PLEKHA2: variants seen among roughly 807,000 people sequenced by gnomAD.
PLEKHA2 encodes the protein pleckstrin homology domain containing A2.
In PLEKHA2, 28 loss-of-function variants were observed where a neutral mutation model predicts 53.2. The ratio of observed to expected loss-of-function variants is 0.53; its 90% confidence interval spans 0.39 to 0.72. PLEKHA2 has a LOEUF of 0.72. PLEKHA2 is among the 30% of genes least tolerant of loss of function. The pLI, the probability that PLEKHA2 is intolerant of heterozygous loss-of-function variation, is 0.00. For synonymous variants in PLEKHA2, 193 were observed against 196.4 expected (o/e 0.98, Z 0.14); for missense variants, 426 against 537.9 (o/e 0.79, Z 2.06).
intron 1 of PLEKHA2, among the ~76,000 whole-genome samples, chr8:38,915,003 G>A (rs1056703017): frequency 1.3e-5 from 2 of 152,074 alleles, no homozygotes; most frequent in African/African-American, 4.8e-5. Context: ...CTAGAGTGGA[G>A]TGGTGCTCTC....
intron 2 of PLEKHA2, among the ~76,000 whole-genome samples, chr8:38,931,175 G>A (rs986052182): frequency 3.3e-5 from 5 of 152,160 alleles, no homozygotes; most frequent in African/African-American, 1.2e-4. Flanking sequence ...CTACTCAGGA[G>A]GCTGAGGCAC....
rs979348239 is a variant in PLEKHA2 at position 38,966,927 on chromosome 8, T to C, written c.838-1665T>C. ...TGCATCGTACGCATCAAGTAATTTCTCATCCCTCACCCGCCTCCCACCCTC... is the reference window on the plus strand; with the variant it reads ...TGCATCGTACGCATCAAGTAATTTCCCATCCCTCACCCGCCTCCCACCCTC... On this transcript the variant is annotated intron_variant, in intron 10 of 11. Transcript: ENST00000617275. Among the ~76,000 whole-genome samples the C allele has an allele frequency of 1.1e-4, 17 of 152,226 alleles. 1 individual carries two copies. The South Asian group carries it at 3.5e-3, about 32-fold the overall frequency.
chr8:38,923,815 A>G (rs1289861495), intron 2 of PLEKHA2, among the ~76,000 whole-genome samples: 1 of 152,108 alleles, frequency 6.6e-6, no homozygotes, highest in Non-Finnish European at 1.5e-5. Flanking sequence ...GTATTTGCAG[A>G]GCATTTTGTG....
At chr8:38,954,516 A>G (rs1291088811) in intron 9 of PLEKHA2, among the ~76,000 whole-genome samples, 2 of 152,102 alleles carry the variant, frequency 1.3e-5, no homozygotes, top group Admixed American at 6.5e-5. Context: ...GAATGCCTTG[A>G]ACTTTCTCTA....
At chr8:38,952,847 C>A in intron 8 of PLEKHA2, 143 bp downstream of exon 8, 1 of 808,274 alleles carries the variant, frequency 1.2e-6, no homozygotes, top group South Asian at 1.6e-5. Context: ...CCATTCTGTG[C>A]ACACATCTTT....
At chr8:38,964,729 A>G (rs1460998804) in intron 10 of PLEKHA2, among the ~76,000 whole-genome samples, 1 of 152,042 alleles carries the variant, frequency 6.6e-6, no homozygotes, top group Non-Finnish European at 1.5e-5. Flanking sequence ...TCAAGATATA[A>G]TGTATCTTTG....
intron 1 of PLEKHA2, among the ~76,000 whole-genome samples, chr8:38,909,388 G>T (rs1833923093): frequency 6.6e-6 from 1 of 152,078 alleles, no homozygotes; most frequent in African/African-American, 2.4e-5. Flanking sequence ...TCCTGTCCTG[G>T]GTGTATAAGA....
At chr8:38,924,151 G>C (rs143308764) in intron 2 of PLEKHA2, among the ~76,000 whole-genome samples, 13 of 152,100 alleles carry the variant, frequency 8.5e-5, no homozygotes, top group African/African-American at 2.9e-4. Context: ...CGCCTGGCCC[G>C]GTTTTCACTT....
chr8:38,968,609 CA>C lies in PLEKHA2; in HGVS notation c.856del (p.Met286CysfsTer30). On this transcript the variant is annotated frameshift_variant, in exon 11 of 12. Coordinates refer to ENST00000617275, the MANE Select transcript of PLEKHA2 (RefSeq NM_021623.2). LOFTEE classifies it high-confidence loss of function. ...TTTTGCAGGCAGACAGTCCAGAAGA[CA>C]TGCACAGCTGGATTAAGGAGATTGG... ...FYVQADSPEDMHSWIKEIGAA... is the reference protein window; with the variant it reads ...FYVQADSPEDXHSWIKEIGAA... The C allele has an allele frequency of 6.2e-7, 1 of 1,614,034 alleles. No homozygotes were observed. The highest frequency in any genetic ancestry group is 8.5e-7 in the Non-Finnish European group (1 of 1,179,896).
At chr8:38,910,853 C>T (rs998320839) in intron 1 of PLEKHA2, among the ~76,000 whole-genome samples, 11 of 151,974 alleles carry the variant, frequency 7.2e-5, no homozygotes, top group African/African-American at 1.2e-4. Context: ...CCATTAGAAA[C>T]GATTATAAAG....
intron 1 of PLEKHA2, 56 bp downstream of exon 1, chr8:38,901,501 G>GA (rs1833784115): frequency 6.6e-6 from 1 of 151,812 alleles, no homozygotes; most frequent in Non-Finnish European, 1.5e-5. Context: ...GGGCGCGCGG[G>GA]GGCTGGCGGG....
At chr8:38,906,592 C>G (rs1833880821) in intron 1 of PLEKHA2, among the ~76,000 whole-genome samples, 1 of 152,186 alleles carries the variant, frequency 6.6e-6, no homozygotes, top group African/African-American at 2.4e-5. Context: ...AACTTGTTCT[C>G]AGTACGTTCC....
At chr8:38,944,896 A>G (rs954696700) in intron 4 of PLEKHA2, among the ~76,000 whole-genome samples, 2 of 152,186 alleles carry the variant, frequency 1.3e-5, no homozygotes, top group African/African-American at 2.4e-5. Context: ...AATGTCCACT[A>G]TAAGTTTCTG....
chr8:38,936,693 C>T (rs1170360669), intron 3 of PLEKHA2, among the ~76,000 whole-genome samples: 4 of 152,234 alleles, frequency 2.6e-5, no homozygotes, highest in African/African-American at 7.2e-5. Context: ...GACTGGTTAA[C>T]GGTGCCCACA....
At chr8:38,920,376 A>G (rs4733952) in intron 2 of PLEKHA2, among the ~76,000 whole-genome samples, 121,902 of 151,496 alleles carry the variant, frequency 0.8, 49,791 homozygotes, top group African/African-American at 0.95. Context: ...GGATGGTCTC[A>G]AGCTCCTGAC....
chr8:38,923,675 G>C (rs1834233042), intron 2 of PLEKHA2, among the ~76,000 whole-genome samples: 1 of 152,168 alleles, frequency 6.6e-6, no homozygotes, highest in African/African-American at 2.4e-5. Context: ...TGCCTTCATA[G>C]AGTTTACACT....
At chr8:38,964,293 A>G (rs985579735) in intron 10 of PLEKHA2, among the ~76,000 whole-genome samples, 1 of 152,210 alleles carries the variant, frequency 6.6e-6, no homozygotes, top group Non-Finnish European at 1.5e-5. Context: ...GTACTGGTCC[A>G]TGGCCTGTTA....
At chr8:38,957,138 A>G (rs1311040495) in intron 9 of PLEKHA2, among the ~76,000 whole-genome samples, 185 bp from the exon 10 acceptor site, 1 of 152,142 alleles carries the variant, frequency 6.6e-6, no homozygotes, top group African/African-American at 2.4e-5. Flanking sequence ...GAGACCCTCT[A>G]GGAAATGAAG....
Position 38,970,036 on chromosome 8 carries a change from C to T in PLEKHA2, c.*253C>T. On this transcript the variant is annotated 3_prime_UTR_variant, in exon 12 of 12. Coordinates refer to ENST00000617275, the MANE Select transcript of PLEKHA2 (RefSeq NM_021623.2). Reference sequence around the variant, plus strand: ...TCACTAGGTTAGAACTGTAGGCATACTCAGTGGAGAGGAAGCTACCTATTC... The same window carrying T: ...TCACTAGGTTAGAACTGTAGGCATATTCAGTGGAGAGGAAGCTACCTATTC... 3 of 574,992 alleles carry T rather than the reference C, an allele frequency of 5.2e-6. No individual in the cohort carries two copies. Among genetic ancestry groups the T allele is most frequent in the Non-Finnish European group, 6.0e-6 (2 of 332,950 alleles). The allele number at this position is 574,992 out of a possible 1,614,324, so 35.6% of individuals were successfully genotyped here.
Sources: allele counts gnomAD v4.1 joint callset (sites outside exome capture counted in the v4.1 genomes callset), GRCh38; gene constraint gnomAD v4.1.1; transcripts MANE v1.5; gene names NCBI Gene and HGNC (gene_info 2026-07-23, HGNC 2026-07-21).